TF: variants seen among roughly 807,000 people sequenced by gnomAD.
TF encodes serotransferrin.
A neutral mutation model predicts 82.4 loss-of-function variants in TF; 55 were observed. That is an observed-to-expected ratio of 0.67 (90% CI 0.54 to 0.84). The LOEUF (loss-of-function observed/expected upper bound fraction) is 0.84. Ranked by LOEUF, TF falls within the 40% of genes least tolerant of loss-of-function variation. The probability of loss-of-function intolerance (pLI) is 0.00; values close to 1 mark genes in which losing one functional copy is unlikely to be tolerated. For missense variants in TF, 737 were observed against 868.4 expected, an observed-to-expected ratio of 0.85 and a Z score of 1.90; for synonymous variants, 332 against 332.6, an observed-to-expected ratio of 1.00 and a Z score of 0.02.
the TF span, among the ~76,000 whole-genome samples, chr3:133,680,815 T>G: frequency 6.6e-6 from 1 of 152,304 alleles, no homozygotes; most frequent in South Asian, 2.1e-4. Flanking sequence ...AAAGGCAGTA[T>G]AGGTTTCGGA....
At chr3:133,766,873 T>C (rs1189523856) in intron 12 of TF, among the ~76,000 whole-genome samples, 2 of 152,228 alleles carry the variant, frequency 1.3e-5, no homozygotes, top group Non-Finnish European at 2.9e-5. Context: ...TGGAAGTTTA[T>C]GCCACCTTTT....
At chr3:133,731,952 T>A in the TF span, among the ~76,000 whole-genome samples, 11 of 152,132 alleles carry the variant, frequency 7.2e-5, no homozygotes, top group Admixed American at 7.2e-4. Flanking sequence ...GGAACTAGTA[T>A]ACAGAGAAAA....
chr3:133,704,368 C>T, the TF span: 1 of 217,464 alleles, frequency 4.6e-6, no homozygotes, highest in Admixed American at 4.2e-5. Flanking sequence ...TTCCCCTGGG[C>T]TGTGGGCATA....
the TF span, among the ~76,000 whole-genome samples, chr3:133,729,787 A>G: frequency 1.3e-5 from 2 of 152,010 alleles, no homozygotes; most frequent in African/African-American, 4.8e-5. Context: ...AGCTGTTCCT[A>G]TTCGGCCATC....
the TF span, among the ~76,000 whole-genome samples, chr3:133,676,264 C>T: frequency 6.6e-6 from 1 of 152,166 alleles, no homozygotes; most frequent in South Asian, 2.1e-4. Flanking sequence ...GTTTTCACAA[C>T]AAACACAATT....
At chr3:133,709,029 T>G in the TF span, among the ~76,000 whole-genome samples, 1 of 152,190 alleles carries the variant, frequency 6.6e-6, no homozygotes, top group Non-Finnish European at 1.5e-5. Context: ...AGACCTCTAC[T>G]AGTACAGTGA....
At chr3:133,678,322 C>A in the TF span, among the ~76,000 whole-genome samples, 5 of 152,150 alleles carry the variant, frequency 3.3e-5, no homozygotes, top group African/African-American at 7.2e-5. Context: ...AATAAATATA[C>A]GTGTGCATGT....
chr3:133,683,110 C>A, the TF span, among the ~76,000 whole-genome samples: 85 of 152,206 alleles, frequency 5.6e-4, no homozygotes, highest in African/African-American at 1.9e-3. Context: ...ACTAAGGTTC[C>A]TAAGTGAAGG....
the TF span, among the ~76,000 whole-genome samples, chr3:133,695,422 A>G: frequency 1.3e-5 from 2 of 151,660 alleles, no homozygotes; most frequent in African/African-American, 4.8e-5. Context: ...TAATTTTTGT[A>G]TTTTTAGCAG....
chr3:133,704,359 TC>T, the TF span: 8 of 219,048 alleles, frequency 3.7e-5, no homozygotes, highest in Non-Finnish European at 6.9e-5. Context: ...TGTCCACAGT[TC>T]CCCTGGGCTG....
At chr3:133,701,184 T>C in the TF span, 2 of 152,336 alleles carry the variant, frequency 1.3e-5, no homozygotes, top group Non-Finnish European at 2.9e-5. Flanking sequence ...AGGGAGCTAC[T>C]AACTGCATTG....
the TF span, among the ~76,000 whole-genome samples, chr3:133,739,075 T>A: frequency 6.6e-6 from 1 of 152,182 alleles, no homozygotes; most frequent in Admixed American, 6.5e-5. Flanking sequence ...ACTACAAGGC[T>A]ACAGTAACCA....
At position 133,781,978 on chromosome 3, in the gene TF, T is replaced by C. The variant is rs544130072; in HGVS notation, c.*3358T>C. Reference sequence around the variant, plus strand: ...TAGCAGGAAAACAAATGATCCCAGTTAAAAATGGGCAAAAACCTGAAAAGA... The same window carrying C: ...TAGCAGGAAAACAAATGATCCCAGTCAAAAATGGGCAAAAACCTGAAAAGA... On this transcript the variant is annotated 3_prime_UTR_variant, in exon 17 of 17. Coordinates refer to ENST00000402696, the MANE Select transcript of TF (RefSeq NM_001063.4). 1.0e-3 allele frequency: 152 copies of C among 152,172 alleles called. 3 individuals carry two copies. The highest frequency in any genetic ancestry group is 3.5e-3 in the African/African-American group (146 of 41,524). The allele number at this position is 152,172 out of a possible 1,614,324, so 9.4% of individuals were successfully genotyped here. A position where few individuals can be genotyped will look rare whatever the true frequency, so the allele number is the denominator to read the frequency against.
At chr3:133,692,432 G>A in the TF span, among the ~76,000 whole-genome samples, 1 of 152,178 alleles carries the variant, frequency 6.6e-6, no homozygotes, top group African/African-American at 2.4e-5. Flanking sequence ...GGGGGAAAAG[G>A]AGAAAAGCCC....
At chr3:133,767,956 C>A in intron 12 of TF, 73 bp from the exon 13 acceptor site, 1 of 1,578,150 alleles carries the variant, frequency 6.3e-7, no homozygotes, top group South Asian at 1.1e-5. Context: ...GCCATGCAGC[C>A]CTGTTATCTC....
Position 133,757,786 on chromosome 3 carries a change from CAA to C in TF, c.890_891del (p.Lys297IlefsTer18), listed in dbSNP as rs1933877403. The part of the protein sequence containing the change: ...NQAQEHFGKD[K>X]SKEFQLFSSP... ...ATGAACAGGAACATTTTGGCAAAGA[CAA>C]ATCAAAAGAATTCCAACTATTCAGC... is the stretch of plus-strand genomic sequence containing the variant. On this transcript the variant is annotated frameshift_variant, in exon 8 of 17. Transcript: ENST00000402696. LOFTEE classifies it high-confidence loss of function. The C allele has an allele frequency of 6.2e-7, 1 of 1,614,084 alleles. No individual in the cohort carries two copies. The highest frequency in any genetic ancestry group is 1.3e-5 in the African/African-American group (1 of 74,932).
chr3:133,733,342 G>A, the TF span, among the ~76,000 whole-genome samples: 2 of 152,262 alleles, frequency 1.3e-5, no homozygotes, highest in South Asian at 2.1e-4. Flanking sequence ...CACAAAACTC[G>A]TGTGTCCCCA....
At chr3:133,769,366 TG>T (rs1484912573) in intron 13 of TF, among the ~76,000 whole-genome samples, 1 of 152,218 alleles carries the variant, frequency 6.6e-6, no homozygotes, top group Non-Finnish European at 1.5e-5. Context: ...AGTTCCCCTT[TG>T]CATTTTTGTA....
rs1328757502 is a variant in TF, at chr3:133,793,507, T to A, written c.*14887T>A. Reference sequence around the variant, plus strand: ...GGAAGCATTGTCAAAAAGAAAAAAATTTAATCTTCTTCAGGTTATATTTTA... The same window carrying A: ...GGAAGCATTGTCAAAAAGAAAAAAAATTAATCTTCTTCAGGTTATATTTTA... On this transcript the variant is annotated 3_prime_UTR_variant, in exon 17 of 17. Transcript: ENST00000402696. The A allele has an allele frequency of 1.3e-5, 2 of 152,062 alleles. No homozygotes were observed. Among genetic ancestry groups the A allele is most frequent in the Admixed American group, 1.3e-4 (2 of 15,266 alleles). The allele number at this position is 152,062 out of a possible 1,614,324, so 9.4% of individuals were successfully genotyped here. A position where few individuals can be genotyped will look rare whatever the true frequency, so the allele number is the denominator to read the frequency against.
Sources: gnomAD v4.1 joint callset for allele counts (sites outside exome capture counted in the v4.1 genomes callset) on GRCh38, gnomAD v4.1.1 for gene constraint, MANE v1.5 for transcripts, NCBI Gene and HGNC (gene_info 2026-07-23, HGNC 2026-07-21) for gene names.